The following DCDC1 variants were observed in gnomAD, a reference collection of about 807,000 sequenced individuals.
DCDC1 encodes the protein doublecortin domain-containing protein 1.
DCDC1 carries 200 observed loss-of-function variants against 178.3 expected under a neutral mutation model. That is an observed-to-expected ratio of 1.12 (90% CI 1.00 to 1.26). The LOEUF (loss-of-function observed/expected upper bound fraction) is 1.26. DCDC1 is among the 50% of genes most tolerant of loss of function. The probability of loss-of-function intolerance (pLI) is 0.00; values close to 1 mark genes in which losing one functional copy is unlikely to be tolerated. For synonymous variants in DCDC1, 690 were observed against 604.8 expected (o/e 1.14, Z -2.07); for missense variants, 1,983 against 1,749.2 (o/e 1.13, Z -2.38).
rs1944961961 is a variant in DCDC1 at position 30,905,076 on chromosome 11, G to C, written c.4193C>G (p.Ala1398Gly). ...LSLRMKTCTQ[A>G]ASHSGMAATH... Reference sequence around the variant, plus strand: ...GGCTGCCATGCCACTGTGAGATGCAGCTTGCGTGCAGGTCTTCATCCGTAA... The same window carrying C: ...GGCTGCCATGCCACTGTGAGATGCACCTTGCGTGCAGGTCTTCATCCGTAA... Residue 1398 changes from alanine to glycine, a missense_variant, in exon 31 of 39, where the codon GCT becomes GGT. Transcript: ENST00000684477. The C allele has an allele frequency of 6.2e-7, 1 of 1,613,676 alleles. No homozygotes were observed. The highest frequency in any genetic ancestry group is 8.5e-7 in the Non-Finnish European group (1 of 1,179,784).
chr11:31,150,510 T>A (rs1484186443), intron 9 of DCDC1, among the ~76,000 whole-genome samples: 1 of 152,222 alleles, frequency 6.6e-6, no homozygotes, highest in Non-Finnish European at 1.5e-5. Context: ...GAGGCTATGA[T>A]AAGTAGTATA....
intron 9 of DCDC1, among the ~76,000 whole-genome samples, chr11:31,231,127 C>A (rs889627081): frequency 4.0e-5 from 6 of 151,800 alleles, no homozygotes; most frequent in African/African-American, 1.5e-4. Context: ...TCACATCTGG[C>A]TAAATTTTTT....
intron 8 of DCDC1, chr11:31,241,851 T>G (rs1378051355): frequency 3.3e-6 from 1 of 300,282 alleles, no homozygotes; most frequent in Non-Finnish European, 6.1e-6. Flanking sequence ...CCTGAATAGT[T>G]CTGAAGTGTG....
intron 17 of DCDC1, among the ~76,000 whole-genome samples, chr11:31,080,961 G>A (rs369937613): frequency 3.3e-5 from 5 of 152,036 alleles, no homozygotes; most frequent in African/African-American, 1.2e-4. Context: ...TCTTTTTATC[G>A]AATTACGGTG....
chr11:30,885,543 C>T lies in DCDC1; in HGVS notation c.5083-4235G>A, dbSNP rs548662274. Among the ~76,000 whole-genome samples, 18 of 152,034 alleles carry T rather than the reference C, an allele frequency of 1.2e-4. No individual in the cohort carries two copies. The South Asian group carries it at 3.1e-3, about 26-fold the overall frequency. ...AAAACAGCAAAAGACTTAGGGAACG[C>T]AGAGATAACCAATAAGTGATAACAC... On this transcript the variant is annotated intron_variant, in intron 36 of 38. Coordinates refer to ENST00000684477, the MANE Select transcript of DCDC1 (RefSeq NM_001387274.1).
intron 17 of DCDC1, among the ~76,000 whole-genome samples, chr11:31,089,093 T>C (rs74973055): frequency 1.5e-3 from 225 of 152,318 alleles, no homozygotes; most frequent in African/African-American, 5.3e-3. Flanking sequence ...GGACTTCCTC[T>C]AACATTGCTT....
Position 31,117,381 on chromosome 11 carries a change from A to G in DCDC1, c.1486-7020T>C, listed in dbSNP as rs11031293. Among the ~76,000 whole-genome samples, 602 of 74,158 alleles carry G rather than the reference A, an allele frequency of 8.1e-3. 4 individuals carry two copies. The highest frequency in any genetic ancestry group is 0.018 in the Non-Finnish European group (492 of 26,730). The allele number at this position is 74,158 out of a possible 152,430, so 48.7% of individuals were successfully genotyped here. A position where few individuals can be genotyped will look rare whatever the true frequency, so the allele number is the denominator to read the frequency against. On this transcript the variant is annotated intron_variant, in intron 11 of 38. Transcript: ENST00000684477. ...TCCAAGAAAGAATTTTGATTTCAGG[A>G]AAAAAAAAAAAATTCTAAACTACTA...
intron 3 of DCDC1, among the ~76,000 whole-genome samples, chr11:31,327,860 T>C (rs1949732541): frequency 6.6e-6 from 1 of 152,014 alleles, no homozygotes; most frequent in Admixed American, 6.6e-5. Flanking sequence ...TCCGAGTAGC[T>C]GAGATTACAG....
chr11:31,030,380 T>C (rs1419189446), intron 20 of DCDC1, among the ~76,000 whole-genome samples: 2 of 152,020 alleles, frequency 1.3e-5, no homozygotes, highest in African/African-American at 2.4e-5. Flanking sequence ...GACTGAAATA[T>C]GCATAAAGTC....
At chr11:30,873,364 T>TAGAGAGAGAGAGAGAGAGAG (rs3076153) in intron 38 of DCDC1, among the ~76,000 whole-genome samples, 1 of 137,084 alleles carries the variant, frequency 7.3e-6, no homozygotes, top group African/African-American at 2.8e-5. Context: ...TATATATATA[T>TAGAGAGAGAGAGAGAGAGAG]AGAGAGAGAG....
At chr11:31,190,881 A>G (rs2136348222) in intron 9 of DCDC1, among the ~76,000 whole-genome samples, 1 of 151,838 alleles carries the variant, frequency 6.6e-6, no homozygotes, top group East Asian at 1.9e-4. Context: ...CTTTCCATCT[A>G]TTTATTAATT....
intron 20 of DCDC1, among the ~76,000 whole-genome samples, chr11:31,051,201 G>T (rs1476108771): frequency 1.3e-5 from 2 of 152,118 alleles, no homozygotes; most frequent in African/African-American, 2.4e-5. Flanking sequence ...CTCAGCAATA[G>T]AACTGAACAA....
In DCDC1 at chr11:31,306,286, G is replaced by GT; in HGVS notation, c.536dup (p.Tyr179Ter). 1 of 1,610,004 alleles carries GT rather than the reference G, an allele frequency of 6.2e-7. No individual in the cohort carries two copies. Among genetic ancestry groups the GT allele is most frequent in the African/African-American group, 1.3e-5 (1 of 74,782 alleles). ...LQPRVIKVTA[Y>*]KNGSRTVFAR... ...CAAAGACTGTTCTAGATCCATTTTT[G>GT]TAAGCTGTTACTTTAATCACTCTTG... Residue 179 changes from tyrosine (Y) to a stop codon, truncating the protein, a stop_gained and frameshift_variant, in exon 5 of 39, where the codon TAC becomes TAAC. Transcript: ENST00000684477. LOFTEE classifies it high-confidence loss of function.
chr11:31,306,561 TCTCA>T (rs1408473465), intron 4 of DCDC1, among the ~76,000 whole-genome samples, 173 bp from the exon 5 acceptor site: 2 of 152,058 alleles, frequency 1.3e-5, no homozygotes, highest in Non-Finnish European at 2.9e-5. Flanking sequence ...AGAGTAACAC[TCTCA>T]CTATTTAAAT....
intron 8 of DCDC1, among the ~76,000 whole-genome samples, chr11:31,260,745 T>C (rs1230892556): frequency 6.6e-6 from 1 of 152,162 alleles, no homozygotes; most frequent in Non-Finnish European, 1.5e-5. Flanking sequence ...CACCATCATG[T>C]AATAATTAAG....
At chr11:30,921,001 AAC>A (rs1946214571) in intron 24 of DCDC1, 66 bp from the exon 25 acceptor site, 4 of 1,487,438 alleles carry the variant, frequency 2.7e-6, no homozygotes, top group African/African-American at 1.4e-5. Flanking sequence ...GGAATTTAAA[AAC>A]ACACACTAAA....
intron 9 of DCDC1, among the ~76,000 whole-genome samples, chr11:31,226,288 A>T (rs974647671): frequency 1.3e-5 from 2 of 152,106 alleles, no homozygotes; most frequent in Non-Finnish European, 2.9e-5. Context: ...CTGGAAAAAA[A>T]ATAAAATAAA....
chr11:31,155,903 AT>A (rs1241491454), intron 9 of DCDC1: 1 of 152,166 alleles, frequency 6.6e-6, no homozygotes, highest in Non-Finnish European at 1.5e-5. Context: ...AAAAATCATT[AT>A]TGTCATTTTG....
intron 7 of DCDC1, among the ~76,000 whole-genome samples, chr11:31,278,997 G>C (rs549991973): frequency 1.3e-5 from 2 of 152,180 alleles, no homozygotes; most frequent in Non-Finnish European, 2.9e-5. Flanking sequence ...TCAAAGAAAA[G>C]ACTGGTTGAA....
Sources: allele counts gnomAD v4.1 joint callset (sites outside exome capture counted in the v4.1 genomes callset), GRCh38; gene constraint gnomAD v4.1.1; transcripts MANE v1.5; gene names NCBI Gene and HGNC (gene_info 2026-07-23, HGNC 2026-07-21).